The following DMRT1 variants were observed in gnomAD, a reference collection of about 807,000 sequenced individuals.
DMRT1 encodes the protein doublesex and mab-3 related transcription factor 1.
DMRT1 carries 7 observed loss-of-function variants against 32.3 expected under a neutral mutation model. The observed-to-expected ratio is 0.22, with a 90% CI of 0.12 to 0.41. The LOEUF (loss-of-function observed/expected upper bound fraction) is 0.41, where lower values mean the gene tolerates loss of function less well. Among genes scored for constraint, DMRT1 ranks in the 10% least tolerant of loss-of-function variants. The pLI is 1.00. For synonymous variants in DMRT1, 278 were observed against 206.1 expected, an observed-to-expected ratio of 1.35 and a Z score of -2.99; for missense variants, 625 against 500.5, an observed-to-expected ratio of 1.25 and a Z score of -2.37.
In DMRT1 at chr9:946,113, G is replaced by A. The variant is rs796769191; in HGVS notation, c.968-21872G>A. ...TAGTTAATTTTCTTATTTATTGGCAGTCATGTTATTTTTCTTTCTTTCTTT... is the reference window on the plus strand; with the variant it reads ...TAGTTAATTTTCTTATTTATTGGCAATCATGTTATTTTTCTTTCTTTCTTT... On this transcript the variant is annotated intron_variant, in intron 4 of 4. Transcript: ENST00000382276. 7.3e-5 allele frequency among the ~76,000 whole-genome samples: 11 copies of A among 151,474 alleles called. 1 individual carries two copies. Among genetic ancestry groups the A allele is most frequent in the African/African-American group, 2.7e-4 (11 of 41,346 alleles).
chr9:857,870 T>C (rs1250011436), intron 2 of DMRT1, among the ~76,000 whole-genome samples: 2 of 145,858 alleles, frequency 1.4e-5, no homozygotes, highest in African/African-American at 5.0e-5. Flanking sequence ...AGTGAGAACA[T>C]GTGGTGGTTG....
At chr9:842,534 CG>C (rs1838732658) in intron 1 of DMRT1, among the ~76,000 whole-genome samples, 1 of 152,192 alleles carries the variant, frequency 6.6e-6, no homozygotes, top group African/African-American at 2.4e-5. Context: ...CCGCTCCCGG[CG>C]GGGCCCGAGT....
chr9:853,680 T>C (rs1815263057), intron 2 of DMRT1, among the ~76,000 whole-genome samples: 1 of 152,044 alleles, frequency 6.6e-6, no homozygotes, highest in East Asian at 1.9e-4. Flanking sequence ...AATTTTTATA[T>C]CTTTGGTAGA....
intron 2 of DMRT1, among the ~76,000 whole-genome samples, chr9:852,951 T>C (rs1815225937): frequency 6.6e-6 from 1 of 152,226 alleles, no homozygotes; most frequent in South Asian, 2.1e-4. Context: ...GTGTCGTATG[T>C]TTAAGTGCTT....
At chr9:859,641 A>C (rs1048622611) in intron 2 of DMRT1, among the ~76,000 whole-genome samples, 5 of 152,212 alleles carry the variant, frequency 3.3e-5, no homozygotes, top group African/African-American at 1.2e-4. Context: ...CTGTTGTTGA[A>C]CCAAATTACA....
chr9:870,617 C>T (rs1044883890), intron 2 of DMRT1, among the ~76,000 whole-genome samples: 1 of 150,710 alleles, frequency 6.6e-6, no homozygotes, highest in Non-Finnish European at 1.5e-5. Context: ...TTTCTGGTCT[C>T]TGTTGGGTCC....
intron 2 of DMRT1, among the ~76,000 whole-genome samples, chr9:861,279 A>G (rs1815654247): frequency 6.6e-6 from 1 of 152,024 alleles, no homozygotes; most frequent in Non-Finnish European, 1.5e-5. Flanking sequence ...CTTAAGGAGC[A>G]TGCTGCCTTC....
chr9:964,732 G>A (rs1459780185), intron 4 of DMRT1, among the ~76,000 whole-genome samples: 1 of 152,094 alleles, frequency 6.6e-6, no homozygotes, highest in East Asian at 1.9e-4. Flanking sequence ...GAGCATCTCA[G>A]GCTCAATTAT....
At chr9:920,183 G>T (rs953533461) in intron 4 of DMRT1, among the ~76,000 whole-genome samples, 8 of 152,116 alleles carry the variant, frequency 5.3e-5, no homozygotes, top group African/African-American at 1.9e-4. Context: ...AGATTTGGGG[G>T]TTCAGTGCAT....
At chr9:917,398 T>C (rs1818218279) in intron 4 of DMRT1, among the ~76,000 whole-genome samples, 1 of 152,362 alleles carries the variant, frequency 6.6e-6, no homozygotes, top group Non-Finnish European at 1.5e-5. Flanking sequence ...AACTCTGATA[T>C]AATGGCTTTG....
intron 2 of DMRT1, among the ~76,000 whole-genome samples, chr9:854,757 A>G (rs571644895): frequency 9.4e-4 from 135 of 143,992 alleles, no homozygotes; most frequent in Non-Finnish European, 1.6e-3. Flanking sequence ...CAGAGTTTCT[A>G]GCAAAACAAA....
intron 1 of DMRT1, among the ~76,000 whole-genome samples, chr9:845,532 T>C (rs894509725): frequency 1.3e-5 from 2 of 152,144 alleles, no homozygotes; most frequent in Non-Finnish European, 1.5e-5. Flanking sequence ...AACGGTGTTA[T>C]TGAAGAGGGA....
At chr9:879,238 GC>G (rs1270523035) in intron 2 of DMRT1, among the ~76,000 whole-genome samples, 3 of 152,154 alleles carry the variant, frequency 2.0e-5, no homozygotes, top group East Asian at 3.9e-4. Context: ...GACCTCAAGA[GC>G]TTTTATTTAT....
intron 2 of DMRT1, among the ~76,000 whole-genome samples, chr9:876,302 G>A (rs1268662759): frequency 2.0e-5 from 3 of 152,104 alleles, no homozygotes; most frequent in Non-Finnish European, 2.9e-5. Context: ...CAAGTCAGGG[G>A]CTTTGGGCCA....
chr9:843,538 G>C (rs1351872338), intron 1 of DMRT1, among the ~76,000 whole-genome samples: 1 of 152,214 alleles, frequency 6.6e-6, no homozygotes, highest in African/African-American at 2.4e-5. Flanking sequence ...GTCCGTCTGT[G>C]GTTTTGTTTT....
At chr9:843,448 T>C (rs1333722145) in intron 1 of DMRT1, among the ~76,000 whole-genome samples, 1 of 152,224 alleles carries the variant, frequency 6.6e-6, no homozygotes, top group South Asian at 2.1e-4. Flanking sequence ...GCAAATTACT[T>C]TGAAGATGTT....
chr9:875,965 C>G (rs546851019), intron 2 of DMRT1, among the ~76,000 whole-genome samples: 42 of 152,278 alleles, frequency 2.8e-4, no homozygotes, highest in African/African-American at 9.9e-4. Context: ...ATTGGCAGAG[C>G]TGTGTCACCT....
intron 4 of DMRT1, among the ~76,000 whole-genome samples, chr9:951,305 A>T (rs1186792390): frequency 2.0e-5 from 3 of 152,098 alleles, no homozygotes; most frequent in Non-Finnish European, 2.9e-5. Context: ...TGATTTTGAG[A>T]TTAGCTCACT....
intron 3 of DMRT1, among the ~76,000 whole-genome samples, chr9:900,202 C>G (rs1195000359): frequency 6.6e-6 from 1 of 152,146 alleles, no homozygotes; most frequent in Non-Finnish European, 1.5e-5. Context: ...GCATCTGGAG[C>G]TTGAAGCACA....
Sources: gnomAD v4.1 joint callset for allele counts (sites outside exome capture counted in the v4.1 genomes callset) on GRCh38, gnomAD v4.1.1 for gene constraint, MANE v1.5 for transcripts, NCBI Gene and HGNC (gene_info 2026-07-23, HGNC 2026-07-21) for gene names.